SLC20A2: variants seen among roughly 807,000 people sequenced by gnomAD.
SLC20A2 encodes sodium-dependent phosphate transporter 2.
In SLC20A2, 30 loss-of-function variants were observed where a neutral mutation model predicts 61.0. The ratio of observed to expected loss-of-function variants is 0.49; its 90% CI spans 0.37 to 0.67. The LOEUF (loss-of-function observed/expected upper bound fraction) is 0.67. Among genes scored for constraint, SLC20A2 ranks in the 30% least tolerant of loss-of-function variants. The pLI, the probability that SLC20A2 is intolerant of heterozygous loss-of-function variation, is 0.00. For missense variants in SLC20A2, 626 were observed against 866.4 expected (o/e 0.72, Z 3.48); for synonymous variants, 351 against 353.3 (o/e 0.99, Z 0.07).
intron 5 of SLC20A2, among the ~76,000 whole-genome samples, chr8:42,456,484 C>G (rs1223091673): frequency 6.6e-6 from 1 of 151,956 alleles, no homozygotes; most frequent in Admixed American, 6.6e-5. Context: ...GCCTGTAATC[C>G]CACTTTGAGA....
At chr8:42,516,797 A>G (rs553731932) in intron 1 of SLC20A2, among the ~76,000 whole-genome samples, 1 of 152,286 alleles carries the variant, frequency 6.6e-6, no homozygotes, top group East Asian at 1.9e-4. Context: ...ACTGTGGTTC[A>G]GAGACTTAAA....
intron 2 of SLC20A2, among the ~76,000 whole-genome samples, chr8:42,468,028 G>A (rs937035068): frequency 1.3e-5 from 2 of 150,806 alleles, no homozygotes; most frequent in African/African-American, 4.9e-5. Context: ...TCAGCCTCCC[G>A]AGTAGCTGGG....
At chr8:42,426,588 C>T (rs530678857) in intron 10 of SLC20A2, among the ~76,000 whole-genome samples, 2 of 151,990 alleles carry the variant, frequency 1.3e-5, no homozygotes, top group South Asian at 4.2e-4. Context: ...CTCAGCTACC[C>T]GGAGGCTGAG....
rs1170751054 is a variant in SLC20A2, at chr8:42,464,092, CTTTTTTTTTTTTTT to C, written c.431-1016_431-1003del. 5.9e-3 allele frequency among the ~76,000 whole-genome samples: 121 copies of C among 20,554 alleles called. 3 individuals are homozygous for C. Among genetic ancestry groups the C allele is most frequent in the South Asian group, 0.02 (5 of 250 alleles). 13.5% of individuals were successfully genotyped at this position (20,554 alleles called of 152,430 possible). On this transcript the variant is annotated intron_variant, in intron 3 of 10. Transcript: ENST00000520262. ...CTTCCCAAAGGGCAGGCTGGATGATCTTTTTTTTTTTTTTTTTTTTTTTTTTTTTTTGAGACAGG... is the reference window on the plus strand; with the variant it reads ...CTTCCCAAAGGGCAGGCTGGATGATCTTTTTTTTTTTTTTTTTGAGACAGG...
At chr8:42,512,796 G>C (rs1279646811) in intron 1 of SLC20A2, among the ~76,000 whole-genome samples, 4 of 152,200 alleles carry the variant, frequency 2.6e-5, no homozygotes, top group Non-Finnish European at 5.9e-5. Flanking sequence ...GTTAGACAAA[G>C]AGCATTCAAG....
At chr8:42,494,144 CTAA>C (rs755260352) in intron 1 of SLC20A2, among the ~76,000 whole-genome samples, 2 of 151,896 alleles carry the variant, frequency 1.3e-5, no homozygotes, top group African/African-American at 2.4e-5. Flanking sequence ...TGTCTCAAAA[CTAA>C]TAATAATATG....
At chr8:42,440,229 G>C (rs1228349240) in intron 6 of SLC20A2, among the ~76,000 whole-genome samples, 1 of 152,016 alleles carries the variant, frequency 6.6e-6, no homozygotes, top group Non-Finnish European at 1.5e-5. Flanking sequence ...ACCAAAAAAG[G>C]GTCAGATCCG....
At chr8:42,501,963 C>T (rs1810346788), upstream of SLC20A2, among the ~76,000 whole-genome samples, 1 of 152,184 alleles carries the variant, frequency 6.6e-6, no homozygotes, top group African/African-American at 2.4e-5. Flanking sequence ...AAAACTTTCT[C>T]TCGAAAATAT....
At chr8:42,446,987 G>T (rs1377310280) in intron 5 of SLC20A2, among the ~76,000 whole-genome samples, 3 of 152,242 alleles carry the variant, frequency 2.0e-5, no homozygotes, top group Non-Finnish European at 4.4e-5. Context: ...AAATAAATTT[G>T]CAGTCTTTGT....
chr8:42,492,632 G>A (rs933326623), intron 1 of SLC20A2, among the ~76,000 whole-genome samples: 1 of 152,110 alleles, frequency 6.6e-6, no homozygotes, highest in Non-Finnish European at 1.5e-5. Flanking sequence ...CCAAAGGCTA[G>A]GCCAAAACAT....
intron 1 of SLC20A2, among the ~76,000 whole-genome samples, chr8:42,476,295 G>C (rs1054760991): frequency 6.6e-6 from 1 of 151,716 alleles, no homozygotes; most frequent in South Asian, 2.1e-4. Flanking sequence ...AGTAGAGACG[G>C]GGTTTCACCG....
intron 1 of SLC20A2, chr8:42,538,064 T>TAAATAACATAAATAAA (rs1209730016): frequency 9.9e-5 from 15 of 152,256 alleles, no homozygotes; most frequent in African/African-American, 2.2e-4. Flanking sequence ...GACATAAGTA[T>TAAATAACATAAATAAA]TAACTCTTAT....
Position 42,416,519 on chromosome 8 carries a change from T to C in SLC20A2, c.*1284A>G, listed in dbSNP as rs1802679637. On this transcript the variant is annotated 3_prime_UTR_variant, in exon 11 of 11. Coordinates refer to ENST00000520262, the MANE Select transcript of SLC20A2 (RefSeq NM_001257180.2). ...TTATAAATTTAATATGGTTGATTAA[T>C]GAAAAATGACAATGAAGTACCAAGA... 1 of 152,584 alleles carries C rather than the reference T, an allele frequency of 6.6e-6. No individual in the cohort carries two copies. Among genetic ancestry groups the C allele is most frequent in the African/African-American group, 2.4e-5 (1 of 41,428 alleles). 9.5% of individuals were successfully genotyped at this position (152,584 alleles called of 1,614,324 possible).
chr8:42,502,634 C>A, upstream of SLC20A2: 1 of 152,390 alleles, frequency 6.6e-6, no homozygotes, highest in Non-Finnish European at 1.5e-5. Flanking sequence ...TCGGCCTAAC[C>A]TGAGGCTCTG....
chr8:42,468,260 T>C (rs1053919243), intron 2 of SLC20A2, among the ~76,000 whole-genome samples: 2 of 152,166 alleles, frequency 1.3e-5, no homozygotes, highest in African/African-American at 2.4e-5. Context: ...ACCCACCCAA[T>C]TGAATTCAGA....
intron 8 of SLC20A2, 120 bp from the exon 9 acceptor site, chr8:42,430,369 T>C: frequency 1.1e-6 from 1 of 908,980 alleles, no homozygotes; most frequent in Non-Finnish European, 1.6e-6. Flanking sequence ...ATGTTTTTCT[T>C]TCTTTTTTTT....
intron 1 of SLC20A2, among the ~76,000 whole-genome samples, chr8:42,533,654 C>CTTTTTTTCTTTTTTTTCTTTTTTTTT (rs1253260874): frequency 1.8e-5 from 1 of 55,310 alleles, no homozygotes; most frequent in African/African-American, 8.1e-5. Context: ...ATCAACTGTT[C>CTTTTTTTCTTTTTTTTCTTTTTTTTT]TTTTTTTTTT....
At chr8:42,447,420 G>A (rs886958037) in intron 5 of SLC20A2, among the ~76,000 whole-genome samples, 2 of 151,904 alleles carry the variant, frequency 1.3e-5, no homozygotes, top group Admixed American at 6.6e-5. Flanking sequence ...GCTCATGCCT[G>A]TAATCCCAGC....
chr8:42,441,758 C>G (rs911809741), intron 6 of SLC20A2, among the ~76,000 whole-genome samples: 1 of 151,796 alleles, frequency 6.6e-6, no homozygotes, highest in Admixed American at 6.6e-5. Flanking sequence ...TGTGCCACTG[C>G]GCCTGGCCTA....
Sources: gnomAD v4.1 joint callset for allele counts (sites outside exome capture counted in the v4.1 genomes callset) on GRCh38, gnomAD v4.1.1 for gene constraint, MANE v1.5 for transcripts, NCBI Gene and HGNC (gene_info 2026-07-23, HGNC 2026-07-21) for gene names.